SH3RF1: variants seen among roughly 807,000 people sequenced by gnomAD.
The protein encoded by SH3RF1 is E3 ubiquitin-protein ligase SH3RF1.
Under a neutral mutation model 74.0 loss-of-function variants are expected in SH3RF1, and 32 were observed. The observed-to-expected ratio is 0.43, with a 90% CI of 0.33 to 0.58. The LOEUF (loss-of-function observed/expected upper bound fraction) is 0.58, where lower values mean the gene tolerates loss of function less well. Ranked by LOEUF, SH3RF1 falls within the 20% of genes least tolerant of loss-of-function variation. The pLI is 0.05. For missense variants in SH3RF1, 954 were observed against 1,130.9 expected, an observed-to-expected ratio of 0.84 and a Z score of 2.24; for synonymous variants, 396 against 439.6, an observed-to-expected ratio of 0.90 and a Z score of 1.24.
In SH3RF1 at chr4:169,094,381, A is replaced by G. The variant is rs1732877571; in HGVS notation, c.*2138T>C. 1 of 152,128 alleles carries G rather than the reference A, an allele frequency of 6.6e-6. No individual in the cohort carries two copies. The highest frequency in any genetic ancestry group is 2.4e-5 in the African/African-American group (1 of 41,446). The allele number at this position is 152,128 out of a possible 1,614,324, so 9.4% of individuals were successfully genotyped here. On this transcript the variant is annotated 3_prime_UTR_variant, in exon 12 of 12. Transcript: ENST00000284637. The stretch of plus-strand genomic sequence containing the variant: ...TATCACTGTGTAACAAGCCCTTGTT[A>G]CAAAATCTCCCTCTACTGTCTGCAA...
intron 2 of SH3RF1, among the ~76,000 whole-genome samples, chr4:169,211,054 A>G (rs1331538124): frequency 1.3e-5 from 2 of 152,226 alleles, no homozygotes; most frequent in Non-Finnish European, 2.9e-5. Flanking sequence ...AAACATATTT[A>G]TTTTTATAGA....
At chr4:169,117,455 A>G (rs1733355266) in intron 9 of SH3RF1, 68 bp downstream of exon 9, 1 of 1,575,196 alleles carries the variant, frequency 6.3e-7, no homozygotes, top group Non-Finnish European at 8.7e-7. Context: ...AACATCTGTC[A>G]TAAAAGATCT....
At chr4:169,260,690 G>T (rs1046210077) in intron 2 of SH3RF1, among the ~76,000 whole-genome samples, 2 of 152,108 alleles carry the variant, frequency 1.3e-5, no homozygotes, top group African/African-American at 4.8e-5. Flanking sequence ...TCACGCAAAA[G>T]AGAAATATAA....
intron 4 of SH3RF1, among the ~76,000 whole-genome samples, chr4:169,142,845 C>T (rs370922445): frequency 1.5e-4 from 23 of 152,274 alleles, no homozygotes; most frequent in African/African-American, 4.3e-4. Context: ...CAAAATGGTC[C>T]ATAATGGCAA....
chr4:169,122,070 T>C (rs754811365), intron 7 of SH3RF1, 30 bp downstream of exon 7: 56 of 1,607,014 alleles, frequency 3.5e-5, no homozygotes, highest in Non-Finnish European at 4.3e-5. Flanking sequence ...AATGAACACA[T>C]AAGCAGTAAC....
At chr4:169,141,418 A>T (rs1426841880) in intron 4 of SH3RF1, among the ~76,000 whole-genome samples, 1 of 152,228 alleles carries the variant, frequency 6.6e-6, no homozygotes, top group African/African-American at 2.4e-5. Context: ...GTACAAGCAT[A>T]TCCATAGGGT....
chr4:169,179,434 G>A (rs1734473226), intron 2 of SH3RF1, among the ~76,000 whole-genome samples: 1 of 152,138 alleles, frequency 6.6e-6, no homozygotes, highest in African/African-American at 2.4e-5. Flanking sequence ...TTAAGCCATT[G>A]AATTTGTTGT....
rs559243989 is a variant in SH3RF1 at position 169,165,993 on chromosome 4, C to G, written c.394-9314G>C. Among the ~76,000 whole-genome samples the G allele has an allele frequency of 2.4e-3, 364 of 152,038 alleles. 3 individuals are homozygous for G. Among genetic ancestry groups the G allele is most frequent in the African/African-American group, 8.5e-3 (351 of 41,456 alleles). On this transcript the variant is annotated intron_variant, in intron 2 of 11. Transcript: ENST00000284637. ...TGAATCCCAGACTCAAATGTAAAAG[C>G]TAAAACTGTAAGTTTTATAGGGGAA...
At chr4:169,143,979 A>C (rs1451002154) in intron 4 of SH3RF1, among the ~76,000 whole-genome samples, 1 of 152,232 alleles carries the variant, frequency 6.6e-6, no homozygotes. Context: ...CCACAGGAAA[A>C]GCCCTGAACT....
At chr4:169,120,030 T>G (rs933476173) in intron 8 of SH3RF1, among the ~76,000 whole-genome samples, 1 of 152,192 alleles carries the variant, frequency 6.6e-6, no homozygotes, top group Non-Finnish European at 1.5e-5. Context: ...TCAACCTCAG[T>G]GACATTTTAG....
At chr4:169,160,187 G>C (rs1734128790) in intron 2 of SH3RF1, among the ~76,000 whole-genome samples, 1 of 152,126 alleles carries the variant, frequency 6.6e-6, no homozygotes, top group Non-Finnish European at 1.5e-5. Flanking sequence ...CCAAGATACA[G>C]ATTTAGCACT....
intron 8 of SH3RF1, among the ~76,000 whole-genome samples, chr4:169,119,356 G>C (rs1293303649): frequency 7.3e-6 from 1 of 137,252 alleles, no homozygotes; most frequent in Non-Finnish European, 1.5e-5. Context: ...ATCAACTCCT[G>C]ACCTCAAGTG....
chr4:169,134,125 C>T (rs567224585), intron 5 of SH3RF1, among the ~76,000 whole-genome samples: 1 of 152,264 alleles, frequency 6.6e-6, no homozygotes, highest in Admixed American at 6.5e-5. Flanking sequence ...CCAGGCAGCA[C>T]TTCAAACACC....
chr4:169,239,907 C>T (rs1003262639), intron 2 of SH3RF1, among the ~76,000 whole-genome samples: 1 of 152,052 alleles, frequency 6.6e-6, no homozygotes, highest in Admixed American at 6.6e-5. Context: ...ACTTATACTC[C>T]CAGCTACTTG....
rs1223305937 is a variant in SH3RF1 at position 169,229,461 on chromosome 4, A to G, written c.393+39359T>C. ...AACACCTGGAAACATAAATTGGTAT[A>G]CCACCCCCCCACCCAAAAAAAAAAC... On this transcript the variant is annotated intron_variant, in intron 2 of 11. Transcript: ENST00000284637. Among the ~76,000 whole-genome samples, 5 of 151,262 alleles carry G rather than the reference A, an allele frequency of 3.3e-5. No homozygotes were observed. In the East Asian group the frequency reaches 9.7e-4, roughly 29 times the overall value.
chr4:169,181,245 C>A (rs1456456037), intron 2 of SH3RF1, among the ~76,000 whole-genome samples: 1 of 150,154 alleles, frequency 6.7e-6, no homozygotes, highest in African/African-American at 2.5e-5. Flanking sequence ...CCAACACTCA[C>A]CTTGGGAAAG....
In SH3RF1 at chr4:169,214,044, C is replaced by T. The variant is rs1579141966; in HGVS notation, c.393+54776G>A. Among the ~76,000 whole-genome samples, 3 of 152,264 alleles carry T rather than the reference C, an allele frequency of 2.0e-5. No homozygotes were observed. In the East Asian group the frequency reaches 5.8e-4, roughly 29 times the overall value. Reference sequence around the variant, plus strand: ...TTCAGAATCAGTTTGTCAATATACACTGATATAGTTTGGATGTCTGTCCCC... The same window carrying T: ...TTCAGAATCAGTTTGTCAATATACATTGATATAGTTTGGATGTCTGTCCCC... On this transcript the variant is annotated intron_variant, in intron 2 of 11. Coordinates refer to ENST00000284637, the MANE Select transcript of SH3RF1 (RefSeq NM_020870.4).
At chr4:169,165,646 G>C (rs541643768) in intron 2 of SH3RF1, among the ~76,000 whole-genome samples, 1 of 151,576 alleles carries the variant, frequency 6.6e-6, no homozygotes, top group South Asian at 2.1e-4. Context: ...GCGGGGGGGG[G>C]AGTCAGGTAA....
chr4:169,256,390 G>C (rs1731195307), intron 2 of SH3RF1, among the ~76,000 whole-genome samples: 1 of 152,114 alleles, frequency 6.6e-6, no homozygotes, highest in South Asian at 2.1e-4. Context: ...ATGAGGCCCA[G>C]AGAAGCTGAC....
Sources: allele counts gnomAD v4.1 joint callset (sites outside exome capture counted in the v4.1 genomes callset), GRCh38; gene constraint gnomAD v4.1.1; transcripts MANE v1.5; gene names NCBI Gene and HGNC (gene_info 2026-07-23, HGNC 2026-07-21).